Variants in SUN2 observed in about 807,000 individuals in gnomAD.
The protein encoded by SUN2 is Sad1 and UNC84 domain containing 2, also known as SUN domain-containing protein 2.
A neutral mutation model predicts 100.0 loss-of-function variants in SUN2; 60 were observed. That is an observed-to-expected ratio of 0.60 (90% CI 0.49 to 0.74). The LOEUF is 0.74. SUN2 is among the 30% of genes least tolerant of loss of function. The probability of loss-of-function intolerance (pLI) is 0.00; values close to 1 mark genes in which losing one functional copy is unlikely to be tolerated. For missense variants in SUN2, 834 were observed against 954.6 expected, an observed-to-expected ratio of 0.87 and a Z score of 1.66; for synonymous variants, 367 against 403.3, an observed-to-expected ratio of 0.91 and a Z score of 1.08.
rs1424806123 is a variant in SUN2 at position 38,734,995 on chromosome 22, C to T, written c.*1272G>A. 6.6e-6 allele frequency: 2 copies of T among 304,888 alleles called. No individual in the cohort carries two copies. The highest frequency in any genetic ancestry group is 1.3e-5 in the Non-Finnish European group (2 of 154,978). 18.9% of individuals were successfully genotyped at this position (304,888 alleles called of 1,614,324 possible). A position where few individuals can be genotyped will look rare whatever the true frequency, so the allele number is the denominator to read the frequency against. On this transcript the variant is annotated 3_prime_UTR_variant, in exon 18 of 18. Transcript: ENST00000689035. The stretch of plus-strand genomic sequence containing the variant: ...CACCAGACACAGCCGGAACCAGTGC[C>T]CCAGGCCCCTCTCCACGGCCAGGAA...
In SUN2 at chr22:38,750,278, C is replaced by T. The variant is rs137925849; in HGVS notation, c.467G>A (p.Arg156Gln). ...GGAGCCCGCCCGTGAGACGGCGCTT[C>T]GGAGCCGCGAGCTGGAACTCTGCTG... ...VDQQSSSSRL[R>Q]SAVSRAGSLL... The change falls in exon 5 of 18, where the codon CGA becomes CAA. Residue 156 changes from arginine (R) to glutamine (Q), a missense_variant. This residue lies in a region of SUN2 where 559 missense variants were observed against 597.7 expected (regional missense o/e 0.94). Transcript: ENST00000689035. The T allele has an allele frequency of 2.2e-4, 355 of 1,613,840 alleles. No homozygotes were observed. The African/African-American group carries it at 3.7e-3, about 17-fold the overall frequency.
Position 38,755,729 on chromosome 22 carries a change from C to T in SUN2, c.-38+34G>A. 2 of 985,078 alleles carry T rather than the reference C, an allele frequency of 2.0e-6. No homozygotes were observed. Among genetic ancestry groups the T allele is most frequent in the Middle Eastern group, 1.0e-3 (2 of 1,912 alleles). 61.0% of individuals were successfully genotyped at this position (985,078 alleles called of 1,614,324 possible). On this transcript the variant is annotated intron_variant, in intron 1 of 17. Transcript: ENST00000689035. This position sits in a 1 kb window ranked among gnomAD's most constrained non-coding sequence, Gnocchi z 5.7. ...ACCCGGGGTCAGGCCGGGCCGCGGC[C>T]CCCCAACCCTCTCCTGAGCTCGCCC... is the stretch of plus-strand genomic sequence containing the variant.
In SUN2 at chr22:38,736,342, C is replaced by A; in HGVS notation, c.2079G>T (p.Arg693=). ...TMATYQVVEL[R]ILTNWGHPEY... ...CGGGGTGGCCCCAGTTAGTCAGGATCCGCAGCTCCACCACCTGGTACGTGG... is the reference window on the plus strand; with the variant it reads ...CGGGGTGGCCCCAGTTAGTCAGGATACGCAGCTCCACCACCTGGTACGTGG... The change falls in exon 18 of 18, where the codon CGG becomes CGT. Residue 693 remains arginine, a synonymous_variant. Transcript: ENST00000689035. 1 of 1,613,992 alleles carries A rather than the reference C, an allele frequency of 6.2e-7. No individual in the cohort carries two copies. Among genetic ancestry groups the A allele is most frequent in the East Asian group, 2.2e-5 (1 of 44,872 alleles).
chr22:38,738,665 G>A lies in SUN2; in HGVS notation c.1869C>T (p.Ala623=), dbSNP rs762930089. ...CCTTGGGCACATGCTCTAAGGTAAC[G>A]GCTGTGGGGCGGATGCGGGCAGAGA... is the stretch of plus-strand genomic sequence containing the variant. The part of the protein sequence containing the change: ...VRLSARIRPT[A]VTLEHVPKAL... The change falls in exon 16 of 18, where the codon GCC becomes GCT. Residue 623 remains alanine (A), a synonymous_variant. Coordinates refer to ENST00000689035, the MANE Select transcript of SUN2 (RefSeq NM_015374.3). This position sits in a 1 kb window ranked among gnomAD's most constrained non-coding sequence, Gnocchi z 6.6. The A allele has an allele frequency of 6.2e-6, 10 of 1,613,850 alleles. No individual in the cohort carries two copies. The Admixed American group carries it at 6.7e-5, about 11-fold the overall frequency.
chr22:38,747,898 G>A (rs955356758), intron 7 of SUN2, among the ~76,000 whole-genome samples: 13 of 152,168 alleles, frequency 8.5e-5, no homozygotes, highest in African/African-American at 2.7e-4. Flanking sequence ...AGCTGTGTTC[G>A]TGCCACTGCA....
intron 7 of SUN2, 103 bp from the exon 8 acceptor site, chr22:38,745,914 C>T: frequency 1.3e-6 from 2 of 1,496,876 alleles, no homozygotes; most frequent in Non-Finnish European, 9.0e-7. Context: ...TGGCCTGTCC[C>T]ACTCGTGGAG....
At position 38,755,775 on chromosome 22, in the gene SUN2, C is replaced by G. The variant is rs1039466952; in HGVS notation, c.-50G>C. On this transcript the variant is annotated 5_prime_UTR_variant, in exon 1 of 18. Coordinates refer to ENST00000689035, the MANE Select transcript of SUN2 (RefSeq NM_015374.3). This position sits in a 1 kb window ranked among gnomAD's most constrained non-coding sequence, Gnocchi z 5.7. ...CGCCCGCACTCACCTGCTGCCGCGG[C>G]GGCTTCTAGCCCGGCCGGGGGCGTC... 17 of 984,630 alleles carry G rather than the reference C, an allele frequency of 1.7e-5. No homozygotes were observed. The African/African-American group carries it at 2.6e-4, about 15-fold the overall frequency. 61.0% of individuals were successfully genotyped at this position (984,630 alleles called of 1,614,324 possible). A position where few individuals can be genotyped will look rare whatever the true frequency, so the allele number is the denominator to read the frequency against.
Position 38,740,060 on chromosome 22 carries a change from G to GGAAA in SUN2, c.1357-121_1357-118dup. 1.5e-6 allele frequency: 2 copies of GGAAA among 1,308,264 alleles called. No individual in the cohort carries two copies. The highest frequency in any genetic ancestry group is 2.1e-6 in the Non-Finnish European group (2 of 956,528). The allele number at this position is 1,308,264 out of a possible 1,614,324, so 81.0% of individuals were successfully genotyped here. On this transcript the variant is annotated intron_variant, in intron 12 of 17. Coordinates refer to ENST00000689035, the MANE Select transcript of SUN2 (RefSeq NM_015374.3). This position sits in a 1 kb window ranked among gnomAD's most constrained non-coding sequence, Gnocchi z 4.8. ...ATAGGGTAGGAGGGAGGCCACTGGA[G>GGAAA]GAAAGAGTTATGAACACTCCATGGG... is the stretch of plus-strand genomic sequence containing the variant.
Position 38,755,186 on chromosome 22 carries a change from C to T in SUN2, c.-38+577G>A. 1 of 1,161,002 alleles carries T rather than the reference C, an allele frequency of 8.6e-7. No homozygotes were observed. The highest frequency in any genetic ancestry group is 1.6e-5 in the South Asian group (1 of 63,232). 71.9% of individuals were successfully genotyped at this position (1,161,002 alleles called of 1,614,324 possible). The stretch of plus-strand genomic sequence containing the variant: ...ATCTTCCTCGTGACATTTCCACTCC[C>T]TGGGCACAGCCAGGCCACACGCCCT... On this transcript the variant is annotated intron_variant, in intron 1 of 17. Coordinates refer to ENST00000689035, the MANE Select transcript of SUN2 (RefSeq NM_015374.3). The surrounding 1 kb of genome is among the most constrained non-coding windows in gnomAD (Gnocchi z 5.7).
chr22:38,748,022 A>C (rs1022336642), intron 7 of SUN2, among the ~76,000 whole-genome samples: 3 of 151,490 alleles, frequency 2.0e-5, no homozygotes, highest in African/African-American at 7.3e-5. Context: ...TGGTGTAAAA[A>C]GAGGCACTTA....
intron 8 of SUN2, 192 bp from the exon 9 acceptor site, chr22:38,742,747 C>T: frequency 1.5e-6 from 1 of 662,534 alleles, no homozygotes; most frequent in South Asian, 2.1e-5. Flanking sequence ...TGCTGGGAGC[C>T]AGGGATCACT....
In SUN2 at chr22:38,752,508, T is replaced by A. The variant is rs774354242; in HGVS notation, c.121A>T (p.Arg41Trp). 2 of 1,610,684 alleles carry A rather than the reference T, an allele frequency of 1.2e-6. No homozygotes were observed. Among genetic ancestry groups the A allele is most frequent in the Admixed American group, 3.3e-5 (2 of 59,900 alleles). The stretch of plus-strand genomic sequence containing the variant: ...CGTGGCACTCCCTTGGGTCCCTACC[T>A]GAGAGGACTGTCTTTAAACAGGGTG... ...QSTLFKDSPLRTLKRKSSNMK... is the reference protein window; with the variant it reads ...QSTLFKDSPLWTLKRKSSNMK... Residue 41 changes from arginine (R) to tryptophan (W), a missense_variant and splice_region_variant, in exon 2 of 18, where the codon AGG becomes TGG. Coordinates refer to ENST00000689035, the MANE Select transcript of SUN2 (RefSeq NM_015374.3).
At chr22:38,748,913 G>C in intron 6 of SUN2, 130 bp from the exon 7 acceptor site, 1 of 924,166 alleles carries the variant, frequency 1.1e-6, no homozygotes, top group Non-Finnish European at 1.7e-6. Flanking sequence ...AGGATAGCTT[G>C]AGCTTCTCAC....
chr22:38,736,259 A>T lies in SUN2; in HGVS notation c.*8T>A, dbSNP rs1255819599. ...CAGATGGCTGGCAGCAGGCACCAGT[A>T]AGCAGGGCTAGTGGGCGGGCTCCCC... On this transcript the variant is annotated 3_prime_UTR_variant, in exon 18 of 18. Transcript: ENST00000689035. 6.2e-7 allele frequency: 1 copy of T among 1,609,506 alleles called. No individual in the cohort carries two copies. The highest frequency in any genetic ancestry group is 1.7e-5 in the Admixed American group (1 of 59,490).
rs373252920 is a variant in SUN2 at position 38,738,579 on chromosome 22, A to G, written c.1947+8T>C. On this transcript the variant is annotated splice_region_variant and intron_variant, in intron 16 of 17. Coordinates refer to ENST00000689035, the MANE Select transcript of SUN2 (RefSeq NM_015374.3). This position sits in a 1 kb window ranked among gnomAD's most constrained non-coding sequence, Gnocchi z 6.6. ...CCCCTCTGGCCCCACCACAGGACAG[A>G]TACTCACAAAGATGGCGAAGTCCTT... is the stretch of plus-strand genomic sequence containing the variant. 5.6e-6 allele frequency: 9 copies of G among 1,611,376 alleles called. No homozygotes were observed. The highest frequency in any genetic ancestry group is 7.6e-6 in the Non-Finnish European group (9 of 1,178,168).
Position 38,738,868 on chromosome 22 carries a change from C to T in SUN2, c.1779+5G>A. ...CCCCCGCTGCTGTGCTTGCCAGGTG[C>T]CCACCTGGAGGATGACTCGGGGTGA... On this transcript the variant is annotated splice_donor_5th_base_variant and intron_variant, in intron 15 of 17. Coordinates refer to ENST00000689035, the MANE Select transcript of SUN2 (RefSeq NM_015374.3). The surrounding 1 kb of genome is among the most constrained non-coding windows in gnomAD (Gnocchi z 6.6). 6.3e-7 allele frequency: 1 copy of T among 1,599,464 alleles called. No homozygotes were observed.
rs777909776 is a variant in SUN2, at chr22:38,739,412, G to A, written c.1593C>T (p.Ile531=). 11 of 1,612,972 alleles carry A rather than the reference G, an allele frequency of 6.8e-6. No individual in the cohort carries two copies. The highest frequency in any genetic ancestry group is 1.3e-5 in the African/African-American group (1 of 74,932). ...IGVTEEQVHH[I]VKQALQRYSE... is the part of the protein sequence containing the mutation. ...TGTAGCGCTGCAGGGCCTGCTTCAC[G>A]ATGTGGTGCACCTGCTGCAATGCAG... The change falls in exon 14 of 18, where the codon ATC becomes ATT. Residue 531 remains isoleucine (I), a synonymous_variant. Transcript: ENST00000689035. This position sits in a 1 kb window ranked among gnomAD's most constrained non-coding sequence, Gnocchi z 6.7.
chr22:38,736,201 G>T lies in SUN2; in HGVS notation c.*66C>A, dbSNP rs146692436. On this transcript the variant is annotated 3_prime_UTR_variant, in exon 18 of 18. Transcript: ENST00000689035. ...AAGTCAGAGCGCCGAGCAAGCGTGT[G>T]GGGGAAGCGGCGGGGTGCTGTTCAC... 2 of 1,454,668 alleles carry T rather than the reference G, an allele frequency of 1.4e-6. No individual in the cohort carries two copies. The highest frequency in any genetic ancestry group is 1.9e-6 in the Non-Finnish European group (2 of 1,039,358). The allele number at this position is 1,454,668 out of a possible 1,614,324, so 90.1% of individuals were successfully genotyped here.
rs1314003470 is a variant in SUN2, at chr22:38,748,695, C to A, written c.685+18G>T. 6.2e-7 allele frequency: 1 copy of A among 1,614,152 alleles called. No individual in the cohort carries two copies. Among genetic ancestry groups the A allele is most frequent in the East Asian group, 2.2e-5 (1 of 44,882 alleles). On this transcript the variant is annotated intron_variant, in intron 7 of 17. Coordinates refer to ENST00000689035, the MANE Select transcript of SUN2 (RefSeq NM_015374.3). ...ACACATCTCTGTGCCTCCCTCTGCT[C>A]TCCCCATGCAGGCTCACCATACGTC... is the stretch of plus-strand genomic sequence containing the variant.
Sources: gnomAD v4.1 joint callset for allele counts (sites outside exome capture counted in the v4.1 genomes callset) on GRCh38, gnomAD v4.1.1 for gene constraint, gnomAD v4.1.1 regional missense constraint, Gnocchi (gnomAD v3.1) non-coding constraint, MANE v1.5 for transcripts, NCBI Gene and HGNC (gene_info 2026-07-23, HGNC 2026-07-21) for gene names.